Variants in CABIN1 observed in about 807,000 individuals in gnomAD.
CABIN1 encodes the protein calcineurin-binding protein cabin-1.
In CABIN1, 133 loss-of-function variants were observed where a neutral mutation model predicts 227.7. The ratio of observed to expected loss-of-function variants is 0.58; its 90% confidence interval spans 0.51 to 0.67. The LOEUF is 0.67. CABIN1 is among the 30% of genes least tolerant of loss of function. The pLI, the probability that CABIN1 is intolerant of heterozygous loss-of-function variation, is 0.00. For missense variants in CABIN1, 2,408 were observed against 2,852.5 expected (o/e 0.84, Z 3.55); for synonymous variants, 1,086 against 1,155.1 (o/e 0.94, Z 1.21).
At chr22:24,158,139 T>G (rs2045948122) in intron 29 of CABIN1, among the ~76,000 whole-genome samples, 1 of 152,230 alleles carries the variant, frequency 6.6e-6, no homozygotes, top group South Asian at 2.1e-4. Context: ...TCGTGTTTTC[T>G]GTGAACAGAG....
chr22:24,076,159 C>T lies in CABIN1; in HGVS notation c.2633-10C>T, dbSNP rs765422002. 3 of 1,610,518 alleles carry T rather than the reference C, an allele frequency of 1.9e-6. No individual in the cohort carries two copies. The South Asian group carries it at 3.3e-5, about 18-fold the overall frequency. ...CTAACTCTGTGTCTGTCGGCCTGGG[C>T]TTTCCCTAGGGATGTCAGAGACGCC... On this transcript the variant is annotated splice_polypyrimidine_tract_variant and intron_variant, in intron 18 of 36. Coordinates refer to ENST00000263119, the MANE Select transcript of CABIN1 (RefSeq NM_012295.4).
chr22:24,052,112 C>G (rs2038382179), intron 8 of CABIN1, among the ~76,000 whole-genome samples: 1 of 152,112 alleles, frequency 6.6e-6, no homozygotes, highest in South Asian at 2.1e-4. Flanking sequence ...CTCCCTGTTA[C>G]AGTGAAGGAG....
At position 24,154,859 on chromosome 22, in the gene CABIN1, C is replaced by T. The variant is rs372023549; in HGVS notation, c.4747-9541C>T. 1.3e-4 allele frequency among the ~76,000 whole-genome samples: 20 copies of T among 152,276 alleles called. No homozygotes were observed. In the East Asian group the frequency reaches 2.5e-3, roughly 19 times the overall value. On this transcript the variant is annotated intron_variant, in intron 29 of 36. Coordinates refer to ENST00000263119, the MANE Select transcript of CABIN1 (RefSeq NM_012295.4). ...TCCAGGAACCAGCCCAGGGGTAGGC[C>T]AGGTGGAAACCAGCCAGCTCAGAGA... is the stretch of plus-strand genomic sequence containing the variant.
intron 17 of CABIN1, among the ~76,000 whole-genome samples, chr22:24,072,091 C>T (rs895194776): frequency 1.3e-5 from 2 of 152,204 alleles, no homozygotes; most frequent in African/African-American, 4.8e-5. Context: ...GCCCTGTTCA[C>T]AGGACACAGC....
chr22:24,176,404 A>C, intron 35 of CABIN1, 129 bp downstream of exon 35: 1 of 1,074,950 alleles, frequency 9.3e-7, no homozygotes, highest in Non-Finnish European at 1.4e-6. Context: ...TGAGATGGGG[A>C]GGAAATGGGG....
intron 30 of CABIN1, 113 bp downstream of exon 30, chr22:24,164,676 G>T: frequency 1.7e-6 from 2 of 1,208,450 alleles, no homozygotes; most frequent in Non-Finnish European, 2.4e-6. Context: ...CTGGCTGGGA[G>T]CCTGGACCAG....
rs765291776 is a variant in CABIN1, at chr22:24,056,364, C to G, written c.1262+4C>G. 2 of 1,613,838 alleles carry G rather than the reference C, an allele frequency of 1.2e-6. No homozygotes were observed. The highest frequency in any genetic ancestry group is 8.5e-7 in the Non-Finnish European group (1 of 1,179,734). On this transcript the variant is annotated splice_donor_region_variant and intron_variant, in intron 10 of 36. Coordinates refer to ENST00000263119, the MANE Select transcript of CABIN1 (RefSeq NM_012295.4). ...TGATGAAGTTCTTGCCGTCCAGGTA[C>G]TGTGTATTTTTTCTGATTGTCAGAA...
chr22:24,046,239 T>C (rs1049365152), intron 6 of CABIN1, among the ~76,000 whole-genome samples: 1 of 152,208 alleles, frequency 6.6e-6, no homozygotes, highest in African/African-American at 2.4e-5. Context: ...TGGTCTATTA[T>C]GTGCATTTGC....
At chr22:24,176,955 G>A (rs2047149988) in intron 35 of CABIN1, among the ~76,000 whole-genome samples, 1 of 152,222 alleles carries the variant, frequency 6.6e-6, no homozygotes, top group South Asian at 2.1e-4. Flanking sequence ...GGCCAGCCGG[G>A]TCCTCCCAGC....
At chr22:24,087,212 A>C (rs577504382) in intron 22 of CABIN1, among the ~76,000 whole-genome samples, 4 of 152,334 alleles carry the variant, frequency 2.6e-5, no homozygotes, top group African/African-American at 9.6e-5. Flanking sequence ...CATAATGCCC[A>C]CAGCTCTTCT....
At chr22:24,155,920 C>T in intron 29 of CABIN1, 2 of 497,726 alleles carry the variant, frequency 4.0e-6, no homozygotes, top group Non-Finnish European at 3.5e-6. Flanking sequence ...AAGTCAGTTG[C>T]GCTCCTGGGC....
chr22:24,064,525 T>TG (rs2039451460), intron 15 of CABIN1, among the ~76,000 whole-genome samples: 1 of 150,048 alleles, frequency 6.7e-6, no homozygotes, highest in Non-Finnish European at 1.5e-5. Context: ...TTTTTTTTTT[T>TG]TTTTTTTTTT....
At chr22:24,043,307 C>CTTTTTTTTTTTTTTTTTTTT (rs745547509) in intron 6 of CABIN1, among the ~76,000 whole-genome samples, 4 of 71,088 alleles carry the variant, frequency 5.6e-5, no homozygotes, top group Admixed American at 1.6e-4. Context: ...AATGATTTTA[C>CTTTTTTTTTTTTTTTTTTTT]TTTTTTTTTT....
intron 8 of CABIN1, among the ~76,000 whole-genome samples, chr22:24,054,031 C>T (rs577593887): frequency 5.3e-5 from 8 of 152,028 alleles, no homozygotes; most frequent in Non-Finnish European, 1.0e-4. Context: ...GCCCAAAGGC[C>T]CAGTGGCATG....
At chr22:24,082,136 T>C (rs2040851617) in intron 19 of CABIN1, among the ~76,000 whole-genome samples, 1 of 147,120 alleles carries the variant, frequency 6.8e-6, no homozygotes, top group African/African-American at 2.5e-5. Context: ...TTGCCCATGC[T>C]AAGAGTGCAG....
intron 29 of CABIN1, among the ~76,000 whole-genome samples, chr22:24,151,506 G>A (rs561093880): frequency 1.7e-4 from 26 of 152,212 alleles, no homozygotes; most frequent in African/African-American, 6.0e-4. Context: ...TCTAAGATCC[G>A]GGCTCCCCTC....
intron 24 of CABIN1, among the ~76,000 whole-genome samples, chr22:24,093,837 C>T (rs765075576): frequency 6.6e-6 from 1 of 151,932 alleles, no homozygotes; most frequent in South Asian, 2.1e-4. Context: ...TGTGATCACA[C>T]CACTGCACTC....
chr22:24,095,088 AG>A (rs1231273860), intron 24 of CABIN1, among the ~76,000 whole-genome samples: 10 of 152,126 alleles, frequency 6.6e-5, no homozygotes, highest in Non-Finnish European at 1.2e-4. Flanking sequence ...CTAGAGGTGG[AG>A]GGGCTCTGGA....
intron 28 of CABIN1, among the ~76,000 whole-genome samples, chr22:24,130,218 C>G (rs1387011276): frequency 3.9e-5 from 6 of 152,184 alleles, no homozygotes; most frequent in Non-Finnish European, 7.3e-5. Flanking sequence ...TATGAGCCAG[C>G]AGTGTGACAG....
Sources: allele counts gnomAD v4.1 joint callset (sites outside exome capture counted in the v4.1 genomes callset), GRCh38; gene constraint gnomAD v4.1.1; transcripts MANE v1.5; gene names NCBI Gene and HGNC (gene_info 2026-07-23, HGNC 2026-07-21).